CDKN1A: variants seen among roughly 807,000 people sequenced by gnomAD.
CDKN1A encodes the protein cyclin-dependent kinase inhibitor 1.
A neutral mutation model predicts 14.8 loss-of-function variants in CDKN1A; 14 were observed. The observed-to-expected ratio is 0.94, with a 90% CI of 0.62 to 1.48. The LOEUF is 1.48. Ranked by LOEUF, CDKN1A falls within the 40% of genes most tolerant of loss-of-function variation. The pLI is 0.00. For missense variants in CDKN1A, 203 were observed against 231.7 expected, an observed-to-expected ratio of 0.88 and a Z score of 0.80; for synonymous variants, 92 against 93.5, an observed-to-expected ratio of 0.98 and a Z score of 0.09.
chr6:36,678,791 CAG>C lies in CDKN1A; in HGVS notation c.-10_-9del. 2 of 985,826 alleles carry C rather than the reference CAG, an allele frequency of 2.0e-6. No individual in the cohort carries two copies. Among genetic ancestry groups the C allele is most frequent in the Non-Finnish European group, 2.4e-6 (2 of 830,222 alleles). 61.1% of individuals were successfully genotyped at this position (985,826 alleles called of 1,614,324 possible). A position where few individuals can be genotyped will look rare whatever the true frequency, so the allele number is the denominator to read the frequency against. ...GGATTCGCCGAGGCACCGAGGCACT[CAG>C]AGGAGGTGAGAGAGCGGCGGCAGAC... On this transcript the variant is annotated 5_prime_UTR_variant, in exon 1 of 3. Coordinates refer to ENST00000244741, the MANE Select transcript of CDKN1A (RefSeq NM_000389.5). This position sits in a 1 kb window ranked among gnomAD's most constrained non-coding sequence, Gnocchi z 5.7.
chr6:36,683,101 C>T (rs904053521), intron 1 of CDKN1A, among the ~76,000 whole-genome samples: 1 of 152,338 alleles, frequency 6.6e-6, no homozygotes, highest in Admixed American at 6.5e-5. Flanking sequence ...CTCAGTAAAA[C>T]TGAAGGCAGA....
chr6:36,681,585 A>ATTCTTTT (rs1762007957), intron 1 of CDKN1A, among the ~76,000 whole-genome samples: 1 of 67,452 alleles, frequency 1.5e-5, no homozygotes. Context: ...CCATGCCCAG[A>ATTCTTTT]TTTTTTTTTT....
rs1562038461 is a variant in CDKN1A, at chr6:36,681,401, CTTTCTTCCTT to C, written c.-6+2605_-6+2614del. On this transcript the variant is annotated intron_variant, in intron 1 of 2. Coordinates refer to ENST00000244741, the MANE Select transcript of CDKN1A (RefSeq NM_000389.5). ...TCTTTCTTTCTTTCTTTCTTTCTTTCTTTCTTCCTTTCTCTTTCTCTCTTTCTTTCTCTTT... is the reference window on the plus strand; with the variant it reads ...TCTTTCTTTCTTTCTTTCTTTCTTTCTCTCTTTCTCTCTTTCTTTCTCTTT... 8.2e-4 allele frequency among the ~76,000 whole-genome samples: 79 copies of C among 96,812 alleles called. 4 individuals are homozygous for C. The highest frequency in any genetic ancestry group is 5.3e-3 in the South Asian group (15 of 2,836). The allele number at this position is 96,812 out of a possible 152,430, so 63.5% of individuals were successfully genotyped here. A position where few individuals can be genotyped will look rare whatever the true frequency, so the allele number is the denominator to read the frequency against.
intron 2 of CDKN1A, among the ~76,000 whole-genome samples, chr6:36,685,528 G>A (rs900233213): frequency 1.3e-5 from 2 of 152,180 alleles, no homozygotes; most frequent in Admixed American, 6.5e-5. Flanking sequence ...CCATGGGTGC[G>A]GGTGCGGTGA....
chr6:36,681,324 C>CT (rs748017925), intron 1 of CDKN1A, among the ~76,000 whole-genome samples: 3 of 116,436 alleles, frequency 2.6e-5, no homozygotes, highest in African/African-American at 6.2e-5. Context: ...TTCTTTCTTT[C>CT]TTTCTTTCTT....
At chr6:36,685,148 T>C (rs1453785109) in intron 2 of CDKN1A, among the ~76,000 whole-genome samples, 1 of 152,194 alleles carries the variant, frequency 6.6e-6, no homozygotes, top group Non-Finnish European at 1.5e-5. Context: ...CCCCTTGCCA[T>C]CCTTTTAGGG....
chr6:36,685,372 G>A (rs990832192), intron 2 of CDKN1A, among the ~76,000 whole-genome samples: 4 of 152,302 alleles, frequency 2.6e-5, no homozygotes, highest in African/African-American at 7.2e-5. Flanking sequence ...CAGGGGCCAC[G>A]AGCCACATAC....
chr6:36,686,976 T>G lies in CDKN1A; in HGVS notation c.*1176T>G. On this transcript the variant is annotated 3_prime_UTR_variant, in exon 3 of 3. Coordinates refer to ENST00000244741, the MANE Select transcript of CDKN1A (RefSeq NM_000389.5). The surrounding 1 kb of genome is among the most constrained non-coding windows in gnomAD (Gnocchi z 4.9). ...CTTTGATTAGCAGCGGAACAAGGAGTCAGACATTTTAAGATGGTGGCAGTA... is the reference window on the plus strand; with the variant it reads ...CTTTGATTAGCAGCGGAACAAGGAGGCAGACATTTTAAGATGGTGGCAGTA... 4.3e-6 allele frequency: 1 copy of G among 233,334 alleles called. No homozygotes were observed. The highest frequency in any genetic ancestry group is 1.8e-4 in the South Asian group (1 of 5,498). The allele number at this position is 233,334 out of a possible 1,614,324, so 14.5% of individuals were successfully genotyped here. A position where few individuals can be genotyped will look rare whatever the true frequency, so the allele number is the denominator to read the frequency against.
At chr6:36,676,971 A>T (rs1401420666), upstream of CDKN1A, among the ~76,000 whole-genome samples, 3 of 151,652 alleles carry the variant, frequency 2.0e-5, no homozygotes, top group East Asian at 1.9e-4. Context: ...AGCCTTTATT[A>T]AAAAAAATTT....
In CDKN1A at chr6:36,686,839, CTG is replaced by C. The variant is rs2150316338; in HGVS notation, c.*1043_*1044del. On this transcript the variant is annotated 3_prime_UTR_variant, in exon 3 of 3. Transcript: ENST00000244741. This position sits in a 1 kb window ranked among gnomAD's most constrained non-coding sequence, Gnocchi z 4.9. The stretch of plus-strand genomic sequence containing the variant: ...CAGGCCCCCTTGAGTGGGGTTATCT[CTG>C]TGTTAGGGGTATATGATGGGGGAGT... 1 of 233,842 alleles carries C rather than the reference CTG, an allele frequency of 4.3e-6. No homozygotes were observed. Among genetic ancestry groups the C allele is most frequent in the Non-Finnish European group, 8.5e-6 (1 of 118,146 alleles). 14.5% of individuals were successfully genotyped at this position (233,842 alleles called of 1,614,324 possible).
rs2150313439 is a variant in CDKN1A at position 36,684,281 on chromosome 6, G to T, written c.180G>T (p.Glu60Asp). ...ACTTTGTCACCGAGACACCACTGGA[G>T]GGTGACTTCGCCTGGGAGCGTGTGC... ...NFDFVTETPL[E>D]GDFAWERVRG... Residue 60 changes from glutamate (E) to aspartate (D), a missense_variant, in exon 2 of 3, where the codon GAG (glutamate) becomes GAT (aspartate). Coordinates refer to ENST00000244741, the MANE Select transcript of CDKN1A (RefSeq NM_000389.5). The surrounding 1 kb of genome is among the most constrained non-coding windows in gnomAD (Gnocchi z 6.0). 1 of 1,613,270 alleles carries T rather than the reference G, an allele frequency of 6.2e-7. No individual in the cohort carries two copies. The highest frequency in any genetic ancestry group is 1.7e-5 in the Admixed American group (1 of 60,034).
rs752557277 is a variant in CDKN1A, at chr6:36,684,126, C to T, written c.25C>T (p.Arg9Cys). The change falls in exon 2 of 3, where the codon CGT becomes TGT. Residue 9 changes from arginine (R) to cysteine (C), a missense_variant. Transcript: ENST00000244741. This position sits in a 1 kb window ranked among gnomAD's most constrained non-coding sequence, Gnocchi z 6.0. MSEPAGDV[R>C]QNPCGSKACR... ...CATGTCAGAACCGGCTGGGGATGTCCGTCAGAACCCATGCGGCAGCAAGGC... is the reference window on the plus strand; with the variant it reads ...CATGTCAGAACCGGCTGGGGATGTCTGTCAGAACCCATGCGGCAGCAAGGC... 59 of 1,613,174 alleles carry T rather than the reference C, an allele frequency of 3.7e-5. No individual in the cohort carries two copies. Among genetic ancestry groups the T allele is most frequent in the Middle Eastern group, 3.3e-4 (2 of 6,074 alleles).
At position 36,684,086 on chromosome 6, in the gene CDKN1A, C is replaced by A; in HGVS notation, c.-5-11C>A. 6.2e-7 allele frequency: 1 copy of A among 1,612,862 alleles called. No individual in the cohort carries two copies. The highest frequency in any genetic ancestry group is 8.5e-7 in the Non-Finnish European group (1 of 1,179,848). ...GCCGTGACCAGGGCCTTCCTTGTATCTCTGCTGCAGGCGCCATGTCAGAAC... is the reference window on the plus strand; with the variant it reads ...GCCGTGACCAGGGCCTTCCTTGTATATCTGCTGCAGGCGCCATGTCAGAAC... On this transcript the variant is annotated splice_polypyrimidine_tract_variant and intron_variant, in intron 1 of 2. Coordinates refer to ENST00000244741, the MANE Select transcript of CDKN1A (RefSeq NM_000389.5). This position sits in a 1 kb window ranked among gnomAD's most constrained non-coding sequence, Gnocchi z 6.0.
rs73730143 is a variant in CDKN1A at position 36,687,202 on chromosome 6, C to T, written c.*1402C>T. 0.015 allele frequency: 3,545 copies of T among 233,194 alleles called. 103 individuals are homozygous for T. The highest frequency in any genetic ancestry group is 0.071 in the African/African-American group (3,207 of 45,398). 14.4% of individuals were successfully genotyped at this position (233,194 alleles called of 1,614,324 possible). ...TCGGCTCCCCATGTGTCCTGGTTCCCGTTTCTCCACCTAGACTGTAAACCT... is the reference window on the plus strand; with the variant it reads ...TCGGCTCCCCATGTGTCCTGGTTCCTGTTTCTCCACCTAGACTGTAAACCT... On this transcript the variant is annotated 3_prime_UTR_variant, in exon 3 of 3. Transcript: ENST00000244741.
At chr6:36,685,202 C>T (rs1762159271) in intron 2 of CDKN1A, among the ~76,000 whole-genome samples, 1 of 152,204 alleles carries the variant, frequency 6.6e-6, no homozygotes, top group Non-Finnish European at 1.5e-5. Context: ...TATCTAAGGT[C>T]TCAAAGTGAA....
At chr6:36,678,322 T>C (rs529840077), upstream of CDKN1A, 4 of 182,580 alleles carry the variant, frequency 2.2e-5, no homozygotes, top group Non-Finnish European at 4.6e-5. The surrounding 1 kb of genome is among the most constrained non-coding windows in gnomAD (Gnocchi z 5.7). Context: ...CTGCATTGGG[T>C]AAATCCTTGC....
At chr6:36,679,053 C>A in intron 1 of CDKN1A, 1 of 892,036 alleles carries the variant, frequency 1.1e-6, no homozygotes, top group Non-Finnish European at 1.3e-6. Context: ...AGCGGGATTA[C>A]AAGTACAGGA....
intron 2 of CDKN1A, 29 bp from the exon 3 acceptor site, chr6:36,685,722 C>A (rs752332685): frequency 3.7e-6 from 6 of 1,613,562 alleles, no homozygotes; most frequent in African/African-American, 1.3e-5. Flanking sequence ...TTCTTCTTGG[C>A]CTGGCTGACT....
chr6:36,684,653 G>A lies in CDKN1A; in HGVS notation c.445+107G>A. 8.6e-7 allele frequency: 1 copy of A among 1,160,584 alleles called. No homozygotes were observed. 71.9% of individuals were successfully genotyped at this position (1,160,584 alleles called of 1,614,324 possible). A position where few individuals can be genotyped will look rare whatever the true frequency, so the allele number is the denominator to read the frequency against. On this transcript the variant is annotated intron_variant, in intron 2 of 2. Transcript: ENST00000244741. The surrounding 1 kb of genome is among the most constrained non-coding windows in gnomAD (Gnocchi z 6.0). ...TGGTCCAGCATGCTCCAGGTAGAAGGAAACAGGCCCAGAGAGGGGAAGCAA... is the reference window on the plus strand; with the variant it reads ...TGGTCCAGCATGCTCCAGGTAGAAGAAAACAGGCCCAGAGAGGGGAAGCAA...
Sources: allele counts gnomAD v4.1 joint callset (sites outside exome capture counted in the v4.1 genomes callset), GRCh38; gene constraint gnomAD v4.1.1; non-coding constraint Gnocchi (gnomAD v3.1); transcripts MANE v1.5; gene names NCBI Gene and HGNC (gene_info 2026-07-23, HGNC 2026-07-21).